The following HS2ST1 variants were observed in gnomAD, a reference collection of about 807,000 sequenced individuals.
HS2ST1 encodes the protein 2-O-sulfotransferase.
In HS2ST1, 18 loss-of-function variants were observed where a neutral mutation model predicts 42.9. That is an observed-to-expected ratio of 0.42 (90% CI 0.29 to 0.62). HS2ST1 has a LOEUF of 0.62. Among genes scored for constraint, HS2ST1 ranks in the 20% least tolerant of loss-of-function variants. HS2ST1 has a pLI of 0.21. For missense variants in HS2ST1, 334 were observed against 433.8 expected, an observed-to-expected ratio of 0.77 and a Z score of 2.04; for synonymous variants, 146 against 152.9, an observed-to-expected ratio of 0.95 and a Z score of 0.33.
At chr1:87,043,893 A>T (rs551707800) in intron 1 of HS2ST1, among the ~76,000 whole-genome samples, 1 of 152,096 alleles carries the variant, frequency 6.6e-6, no homozygotes, top group Non-Finnish European at 1.5e-5. Context: ...TCTTTGGATT[A>T]TAATAGTAAT....
chr1:87,098,871 T>C (rs1203785833), intron 5 of HS2ST1, among the ~76,000 whole-genome samples: 1 of 152,188 alleles, frequency 6.6e-6, no homozygotes, highest in African/African-American at 2.4e-5. Context: ...AACCTCCGCC[T>C]CCTGGGTTCA....
intron 1 of HS2ST1, among the ~76,000 whole-genome samples, chr1:87,001,973 C>T (rs185609229): frequency 8.7e-5 from 13 of 149,080 alleles, no homozygotes; most frequent in East Asian, 2.0e-4. Flanking sequence ...AGTGCAGTGG[C>T]GCGATCTCGG....
In HS2ST1 at chr1:86,915,020, C is replaced by T; in HGVS notation, c.-17C>T. The T allele has an allele frequency of 6.2e-7, 1 of 1,613,946 alleles. No individual in the cohort carries two copies. The highest frequency in any genetic ancestry group is 8.5e-7 in the Non-Finnish European group (1 of 1,179,972). On this transcript the variant is annotated 5_prime_UTR_variant, in exon 1 of 7. Transcript: ENST00000370550. ...CCCGCCCCCCGCGGTATGTCTTGAT[C>T]CCGAGCAGCGGGTTTCATGGGGCTC...
At chr1:86,916,966 A>C (rs755550485) in intron 1 of HS2ST1, among the ~76,000 whole-genome samples, 1 of 152,184 alleles carries the variant, frequency 6.6e-6, no homozygotes, top group Non-Finnish European at 1.5e-5. Flanking sequence ...CACAATCTGA[A>C]TGATTTTTAA....
chr1:87,101,580 T>C (rs1477683307), intron 5 of HS2ST1, among the ~76,000 whole-genome samples: 1 of 152,224 alleles, frequency 6.6e-6, no homozygotes, highest in Non-Finnish European at 1.5e-5. Context: ...CAGTAACTTC[T>C]TCATTTCCCT....
chr1:87,037,929 T>C (rs1027519576), intron 1 of HS2ST1, among the ~76,000 whole-genome samples: 6 of 151,994 alleles, frequency 3.9e-5, no homozygotes, highest in Admixed American at 3.9e-4. Flanking sequence ...TCTGTGAACA[T>C]TTTTCTTCAT....
rs201591828 is a variant in HS2ST1 at position 87,027,445 on chromosome 1, T to C, written c.125-45489T>C. Among the ~76,000 whole-genome samples, 224 of 152,310 alleles carry C rather than the reference T, an allele frequency of 1.5e-3. 1 individual carries two copies. The highest frequency in any genetic ancestry group is 1.7e-3 in the Admixed American group (26 of 15,300). ...GAAATCTGAATGAGAACTCATAGCATGTAGAGCTCAAATTATTCTTCCTCA... is the reference window on the plus strand; with the variant it reads ...GAAATCTGAATGAGAACTCATAGCACGTAGAGCTCAAATTATTCTTCCTCA... On this transcript the variant is annotated intron_variant, in intron 1 of 6. Coordinates refer to ENST00000370550, the MANE Select transcript of HS2ST1 (RefSeq NM_012262.4).
intron 1 of HS2ST1, among the ~76,000 whole-genome samples, chr1:86,915,646 A>G (rs149683221): frequency 6.6e-6 from 1 of 152,082 alleles, no homozygotes; most frequent in Non-Finnish European, 1.5e-5. Flanking sequence ...ATGGGAGGAG[A>G]TGCTGGGATG....
intron 1 of HS2ST1, among the ~76,000 whole-genome samples, chr1:86,976,704 G>GTA (rs147039703): frequency 0.061 from 4,884 of 79,688 alleles, 553 homozygotes; most frequent in Middle Eastern, 0.15. Context: ...TTATAAAATT[G>GTA]TATATATATA....
intron 1 of HS2ST1, among the ~76,000 whole-genome samples, chr1:87,059,801 T>TA (rs1431815005): frequency 6.6e-6 from 1 of 152,194 alleles, no homozygotes; most frequent in Non-Finnish European, 1.5e-5. Context: ...TGGATGCAGG[T>TA]AAATCTGACT....
At chr1:86,965,504 A>G (rs1306684426) in intron 1 of HS2ST1, among the ~76,000 whole-genome samples, 1 of 152,060 alleles carries the variant, frequency 6.6e-6, no homozygotes, top group Non-Finnish European at 1.5e-5. Flanking sequence ...TTTAAATTCC[A>G]GCAATATTTT....
At position 87,108,397 on chromosome 1, in the gene HS2ST1, G is replaced by A. The variant is rs1557549041; in HGVS notation, c.*3701G>A. The A allele has an allele frequency of 6.6e-6, 1 of 152,044 alleles. No homozygotes were observed. The highest frequency in any genetic ancestry group is 1.5e-5 in the Non-Finnish European group (1 of 67,962). The allele number at this position is 152,044 out of a possible 1,614,324, so 9.4% of individuals were successfully genotyped here. A position where few individuals can be genotyped will look rare whatever the true frequency, so the allele number is the denominator to read the frequency against. ...ATGTGGTTTGCCTTTAAGAGGCCCA[G>A]GTGCTTCTCCTTTATGATTTGAGTT... On this transcript the variant is annotated 3_prime_UTR_variant, in exon 7 of 7. Transcript: ENST00000370550.
rs181048288 is a variant in HS2ST1, at chr1:87,100,671, T to C, written c.686+2736T>C. On this transcript the variant is annotated intron_variant, in intron 5 of 6. Transcript: ENST00000370550. ...GCTTTCCAGTGGGAGTGGTTGCTCATGCCTGTAATTCCAGCACTTTGGAAG... is the reference window on the plus strand; with the variant it reads ...GCTTTCCAGTGGGAGTGGTTGCTCACGCCTGTAATTCCAGCACTTTGGAAG... 5.3e-5 allele frequency among the ~76,000 whole-genome samples: 8 copies of C among 152,348 alleles called. No homozygotes were observed. The East Asian group carries it at 1.5e-3, about 29-fold the overall frequency.
intron 1 of HS2ST1, among the ~76,000 whole-genome samples, chr1:86,937,983 A>G (rs906123147): frequency 1.3e-5 from 2 of 152,150 alleles, no homozygotes; most frequent in Non-Finnish European, 2.9e-5. Flanking sequence ...CCTTTATTAC[A>G]TGTGTACTCA....
Position 86,994,345 on chromosome 1 carries a change from G to A in HS2ST1, c.125-78589G>A, listed in dbSNP as rs1281708255. On this transcript the variant is annotated intron_variant, in intron 1 of 6. Transcript: ENST00000370550. ...TACATTTTATTTTCAATGCTTTTTA[G>A]TGGGTGTATGTGTATGCTATGTAGA... Among the ~76,000 whole-genome samples, 3 of 152,134 alleles carry A rather than the reference G, an allele frequency of 2.0e-5. No individual in the cohort carries two copies. In the East Asian group the frequency reaches 5.8e-4, roughly 29 times the overall value.
chr1:86,962,884 G>A (rs1432026182), intron 1 of HS2ST1, among the ~76,000 whole-genome samples: 1 of 152,128 alleles, frequency 6.6e-6, no homozygotes, highest in East Asian at 1.9e-4. Flanking sequence ...ATTGCCTAAA[G>A]TCAGTAAGTT....
intron 1 of HS2ST1, among the ~76,000 whole-genome samples, chr1:87,017,652 A>G (rs1489539796): frequency 1.3e-5 from 2 of 152,122 alleles, no homozygotes; most frequent in African/African-American, 4.8e-5. Flanking sequence ...AAAACCCCCC[A>G]GTTATTTACA....
chr1:86,932,921 A>G (rs1175969259), intron 1 of HS2ST1, among the ~76,000 whole-genome samples: 1 of 152,208 alleles, frequency 6.6e-6, no homozygotes, highest in Non-Finnish European at 1.5e-5. Flanking sequence ...TATAATTGCT[A>G]AAATATTTTG....
intron 1 of HS2ST1, among the ~76,000 whole-genome samples, chr1:86,926,780 CT>C (rs1454862040): frequency 6.6e-6 from 1 of 152,128 alleles, no homozygotes; most frequent in African/African-American, 2.4e-5. Flanking sequence ...TATTATGTCT[CT>C]TGATTTCTTC....
Sources: gnomAD v4.1 joint callset for allele counts (sites outside exome capture counted in the v4.1 genomes callset) on GRCh38, gnomAD v4.1.1 for gene constraint, MANE v1.5 for transcripts, NCBI Gene and HGNC (gene_info 2026-07-23, HGNC 2026-07-21) for gene names.